The following CELSR1 variants were observed in gnomAD, a reference collection of about 807,000 sequenced individuals.
CELSR1 encodes the protein adhesion G protein-coupled receptor C1.
In CELSR1, 110 loss-of-function variants were observed where a neutral mutation model predicts 249.1. The observed-to-expected ratio is 0.44, with a 90% CI of 0.38 to 0.52. CELSR1 has a LOEUF of 0.52. Ranked by LOEUF, CELSR1 falls within the 20% of genes least tolerant of loss-of-function variation. The probability of loss-of-function intolerance (pLI) is 0.00; values close to 1 mark genes in which losing one functional copy is unlikely to be tolerated. For synonymous variants in CELSR1, 2,113 were observed against 1,900.0 expected (o/e 1.11, Z -2.92); for missense variants, 4,109 against 4,296.4 (o/e 0.96, Z 1.22).
At chr22:46,404,132 C>T (rs939659855) in intron 9 of CELSR1, among the ~76,000 whole-genome samples, 8 of 151,988 alleles carry the variant, frequency 5.3e-5, no homozygotes, top group African/African-American at 1.9e-4. Context: ...CTACATGAGG[C>T]TGGGCGCGGT....
chr22:46,460,200 CACACACACA>C (rs2080006596), intron 2 of CELSR1, among the ~76,000 whole-genome samples: 1 of 121,894 alleles, frequency 8.2e-6, no homozygotes, highest in South Asian at 3.5e-4. Context: ...CACACACACA[CACACACACA>C]CACACACCCA....
In CELSR1 at chr22:46,468,489, C is replaced by T. The variant is rs940284691; in HGVS notation, c.3545-4144G>A. On this transcript the variant is annotated intron_variant, in intron 1 of 34. Coordinates refer to ENST00000674500, the MANE Select transcript of CELSR1 (RefSeq NM_001378328.1). This position sits in a 1 kb window ranked among gnomAD's most constrained non-coding sequence, Gnocchi z 4.5. Reference sequence around the variant, plus strand: ...CTACAACATGGATGTACCTTGAGGACGTGATGCTCACTGCAATAAGCCGGT... The same window carrying T: ...CTACAACATGGATGTACCTTGAGGATGTGATGCTCACTGCAATAAGCCGGT... Among the ~76,000 whole-genome samples, 3 of 152,064 alleles carry T rather than the reference C, an allele frequency of 2.0e-5. No individual in the cohort carries two copies. Among genetic ancestry groups the T allele is most frequent in the Admixed American group, 6.6e-5 (1 of 15,260 alleles).
chr22:46,514,701 G>A (rs2080608732), intron 1 of CELSR1, among the ~76,000 whole-genome samples: 1 of 152,186 alleles, frequency 6.6e-6, no homozygotes, highest in African/African-American at 2.4e-5. Flanking sequence ...AGCCGGGGCT[G>A]CAGGGCCGAG....
chr22:46,503,474 A>T (rs2080485347), intron 1 of CELSR1, among the ~76,000 whole-genome samples: 1 of 152,214 alleles, frequency 6.6e-6, no homozygotes, highest in Non-Finnish European at 1.5e-5. Flanking sequence ...CACTGTGACC[A>T]CGGGAGGCTA....
chr22:46,460,908 G>C (rs1426009392), intron 2 of CELSR1, among the ~76,000 whole-genome samples: 1 of 152,164 alleles, frequency 6.6e-6, no homozygotes, highest in African/African-American at 2.4e-5. Flanking sequence ...CATCAAATTT[G>C]TTGAGCTTTT....
In CELSR1 at chr22:46,423,747, G is replaced by A. The variant is rs2079506185; in HGVS notation, c.4611+9646C>T. Among the ~76,000 whole-genome samples the A allele has an allele frequency of 6.6e-6, 1 of 151,596 alleles. No individual in the cohort carries two copies. Among genetic ancestry groups the A allele is most frequent in the African/African-American group, 2.4e-5 (1 of 41,198 alleles). The stretch of plus-strand genomic sequence containing the variant: ...AGCACTTTGGGAGGCTGAGGCAGTT[G>A]GATCACCTGAGGTCAGGAGTTCGAG... On this transcript the variant is annotated intron_variant, in intron 5 of 34. Coordinates refer to ENST00000674500, the MANE Select transcript of CELSR1 (RefSeq NM_001378328.1). This position sits in a 1 kb window ranked among gnomAD's most constrained non-coding sequence, Gnocchi z 5.6.
chr22:46,507,984 A>C (rs2080532429), intron 1 of CELSR1, among the ~76,000 whole-genome samples: 1 of 152,156 alleles, frequency 6.6e-6, no homozygotes, highest in African/African-American at 2.4e-5. Context: ...CCTAGGTGGG[A>C]TAACCATGCT....
At chr22:46,453,471 T>C (rs933027943) in intron 2 of CELSR1, among the ~76,000 whole-genome samples, 1 of 152,130 alleles carries the variant, frequency 6.6e-6, no homozygotes, top group African/African-American at 2.4e-5. Flanking sequence ...CGAACTGCCC[T>C]CATTAATACA....
Position 46,446,902 on chromosome 22 carries a change from T to C in CELSR1, c.4184-7491A>G, listed in dbSNP as rs192434479. On this transcript the variant is annotated intron_variant, in intron 2 of 34. Transcript: ENST00000674500. This position sits in a 1 kb window ranked among gnomAD's most constrained non-coding sequence, Gnocchi z 5.5. ...GACCAGCCGGGGAAGGTCCTGTCCC[T>C]GTGTTCCTTAGGGCTGACTCCTAGC... Among the ~76,000 whole-genome samples, 6 of 152,274 alleles carry C rather than the reference T, an allele frequency of 3.9e-5. No homozygotes were observed. The East Asian group carries it at 1.2e-3, about 29-fold the overall frequency.
At chr22:46,388,954 G>C (rs892251968) in intron 18 of CELSR1, among the ~76,000 whole-genome samples, 1 of 152,200 alleles carries the variant, frequency 6.6e-6, no homozygotes, top group South Asian at 2.1e-4. Flanking sequence ...ATGGGTGGAC[G>C]ATACTCCATC....
intron 5 of CELSR1, among the ~76,000 whole-genome samples, chr22:46,420,719 G>C (rs979955541): frequency 6.6e-6 from 1 of 152,124 alleles, no homozygotes; most frequent in African/African-American, 2.4e-5. Flanking sequence ...CTCTGTCCTC[G>C]ATCTGGGCCC....
At chr22:46,369,900 C>A in intron 25 of CELSR1, 96 bp from the exon 26 acceptor site, 1 of 987,330 alleles carries the variant, frequency 1.0e-6, no homozygotes. Flanking sequence ...ATGGGGGACT[C>A]AGCATCTCCC....
chr22:46,515,309 G>A (rs1429555926), intron 1 of CELSR1, among the ~76,000 whole-genome samples: 1 of 152,250 alleles, frequency 6.6e-6, no homozygotes, highest in Non-Finnish European at 1.5e-5. Context: ...CAGCACAGCT[G>A]GAACCACAGC....
intron 1 of CELSR1, among the ~76,000 whole-genome samples, chr22:46,469,966 A>AGGGAGGGAGGTAGGAGGAG (rs2080137114): frequency 2.4e-4 from 1 of 4,128 alleles, no homozygotes; most frequent in African/African-American, 1.0e-3. Context: ...TGTGGAAGAA[A>AGGGAGGGAGGTAGGAGGAG]GGGAGGGAGG....
chr22:46,492,784 G>A (rs1189006703), intron 1 of CELSR1, among the ~76,000 whole-genome samples: 1 of 152,050 alleles, frequency 6.6e-6, no homozygotes, highest in Non-Finnish European at 1.5e-5. Flanking sequence ...AGTAGAGGTT[G>A]CCAACAGTGA....
intron 1 of CELSR1, among the ~76,000 whole-genome samples, chr22:46,511,382 C>T (rs533817984): frequency 6.6e-6 from 1 of 152,228 alleles, no homozygotes; most frequent in Non-Finnish European, 1.5e-5. Flanking sequence ...CCACAACCTC[C>T]TGGCCAGGCC....
intron 27 of CELSR1, 190 bp downstream of exon 27, chr22:46,368,989 C>T: frequency 3.4e-6 from 2 of 589,808 alleles, no homozygotes; most frequent in Non-Finnish European, 6.0e-6. Context: ...CTCCCCTCAG[C>T]TAACCTCCCC....
chr22:46,533,568 C>G, intron 1 of CELSR1, 59 bp downstream of exon 1: 2 of 1,505,470 alleles, frequency 1.3e-6, no homozygotes, highest in Non-Finnish European at 1.8e-6. Flanking sequence ...TTGGCGGGTT[C>G]CTGAGGCTCT....
rs1485982464 is a variant in CELSR1 at position 46,537,066 on chromosome 22, T to A, written c.105A>T (p.Val35=). ...GGGCGAAGGCGCGGGTCCCGCCGGG[T>A]ACGCGCGGCTCCCAGGCGGCCGCTC... The part of the protein sequence containing the change: ...GLRAAAWEPR[V]PGGTRAFALR... Residue 35 remains valine (V), a synonymous_variant, in exon 1 of 35, where the codon GTA becomes GTT. Coordinates refer to ENST00000674500, the MANE Select transcript of CELSR1 (RefSeq NM_001378328.1). The surrounding 1 kb of genome is among the most constrained non-coding windows in gnomAD (Gnocchi z 5.8). The A allele has an allele frequency of 4.7e-6, 5 of 1,066,616 alleles. No homozygotes were observed. Among genetic ancestry groups the A allele is most frequent in the East Asian group, 7.6e-5 (1 of 13,220 alleles). 66.1% of individuals were successfully genotyped at this position (1,066,616 alleles called of 1,614,324 possible).
Sources: gnomAD v4.1 joint callset for allele counts (sites outside exome capture counted in the v4.1 genomes callset) on GRCh38, gnomAD v4.1.1 for gene constraint, Gnocchi (gnomAD v3.1) non-coding constraint, MANE v1.5 for transcripts, NCBI Gene and HGNC (gene_info 2026-07-23, HGNC 2026-07-21) for gene names.